MAN1A1: variants seen among roughly 807,000 people sequenced by gnomAD.
The protein encoded by MAN1A1 is mannosyl-oligosaccharide 1,2-alpha-mannosidase IA.
MAN1A1 carries 29 observed loss-of-function variants against 70.8 expected under a neutral mutation model. The observed-to-expected ratio is 0.41, with a 90% CI of 0.31 to 0.56. MAN1A1 has a LOEUF of 0.56. Ranked by LOEUF, MAN1A1 falls within the 20% of genes least tolerant of loss-of-function variation. MAN1A1 has a pLI of 0.29. For synonymous variants in MAN1A1, 349 were observed against 330.1 expected (o/e 1.06, Z -0.62); for missense variants, 747 against 841.3 (o/e 0.89, Z 1.39).
intron 2 of MAN1A1, chr6:119,331,918 G>T (rs1419388887): frequency 1.8e-5 from 9 of 503,552 alleles, no homozygotes; most frequent in Admixed American, 1.6e-4. Flanking sequence ...AGAGGGTGGG[G>T]GCAGGGACCA....
Position 119,201,268 on chromosome 6 carries a change from C to A in MAN1A1, c.1196G>T (p.Gly399Val). 6.2e-7 allele frequency: 1 copy of A among 1,612,574 alleles called. No homozygotes were observed. The highest frequency in any genetic ancestry group is 1.7e-5 in the Admixed American group (1 of 60,020). The change falls in exon 8 of 13, where the codon GGA (glycine) becomes GTA (valine). Residue 399 changes from glycine to valine, a missense_variant. Around this residue, in one of 2 missense-constraint regions of MAN1A1, gnomAD observed 419 missense variants for 548.2 expected, o/e 0.76. Transcript: ENST00000368468. ...TTCTGACTTACGTTGACCCCACTGT[C>A]CACTACTGGGATTCAGATAGTTAGG... ...LYPNYLNPSS[G>V]QWGQHHVSVG... is the part of the protein sequence containing the mutation.
chr6:119,273,926 A>AAAGTAGTGGGAATTGCAACAAC (rs1157299067), intron 5 of MAN1A1, among the ~76,000 whole-genome samples: 1 of 152,186 alleles, frequency 6.6e-6, no homozygotes, highest in Non-Finnish European at 1.5e-5. Context: ...TGGATAAGGA[A>AAAGTAGTGGGAATTGCAACAAC]AAGTAGTGGG....
chr6:119,341,395 T>A (rs1773590743), intron 2 of MAN1A1, among the ~76,000 whole-genome samples: 1 of 152,164 alleles, frequency 6.6e-6, no homozygotes, highest in African/African-American at 2.4e-5. Flanking sequence ...AAGCACACGT[T>A]CTCATTAGAG....
intron 5 of MAN1A1, among the ~76,000 whole-genome samples, chr6:119,259,468 A>C (rs1182875698): frequency 6.6e-6 from 1 of 152,200 alleles, no homozygotes; most frequent in Non-Finnish European, 1.5e-5. Context: ...AAAAAATGTA[A>C]AATGTAAGCT....
chr6:119,325,650 C>T (rs1029726124), intron 2 of MAN1A1, among the ~76,000 whole-genome samples: 2 of 152,096 alleles, frequency 1.3e-5, no homozygotes, highest in Non-Finnish European at 2.9e-5. Flanking sequence ...AATACTCCGT[C>T]GCCGGGGGCA....
chr6:119,273,436 C>T (rs955115299), intron 5 of MAN1A1, among the ~76,000 whole-genome samples: 2 of 152,138 alleles, frequency 1.3e-5, no homozygotes, highest in Non-Finnish European at 2.9e-5. Flanking sequence ...CTTGAATAAA[C>T]AAGCATAAAT....
chr6:119,296,006 C>G (rs549107309), intron 4 of MAN1A1, among the ~76,000 whole-genome samples: 1 of 152,232 alleles, frequency 6.6e-6, no homozygotes, highest in African/African-American at 2.4e-5. Context: ...TACCAATAAG[C>G]CTTGCCTATG....
At position 119,349,186 on chromosome 6, in the gene MAN1A1, G is replaced by C. The variant is rs1024775188; in HGVS notation, c.-121C>G. On this transcript the variant is annotated 5_prime_UTR_variant, in exon 2 of 13. Transcript: ENST00000368468. ...CCAGGCCGCCCGACCCCCTCGGCTG[G>C]GCTGCGGATCCTCCCTGGGGGAACA... 1 of 1,228,218 alleles carries C rather than the reference G, an allele frequency of 8.1e-7. No homozygotes were observed. Among genetic ancestry groups the C allele is most frequent in the African/African-American group, 1.6e-5 (1 of 63,716 alleles). The allele number at this position is 1,228,218 out of a possible 1,614,324, so 76.1% of individuals were successfully genotyped here.
intron 6 of MAN1A1, among the ~76,000 whole-genome samples, chr6:119,234,375 G>A (rs1366256122): frequency 6.6e-6 from 1 of 152,044 alleles, no homozygotes; most frequent in Non-Finnish European, 1.5e-5. Flanking sequence ...AATTGTGTTT[G>A]TATATGTGTG....
rs144698496 is a variant in MAN1A1, at chr6:119,216,217, A to C, written c.993-11335T>G. On this transcript the variant is annotated intron_variant, in intron 6 of 12. Transcript: ENST00000368468. ...CCAGGCTTTTAAACAGGGGATGATA[A>C]AGTCTGATTCACATTTCTAAAGTTC... 2.8e-3 allele frequency among the ~76,000 whole-genome samples: 423 copies of C among 152,290 alleles called. 3 individuals carry two copies. Among genetic ancestry groups the C allele is most frequent in the Middle Eastern group, 0.01 (3 of 294 alleles).
rs1303332570 is a variant in MAN1A1 at position 119,189,827 on chromosome 6, C to T, written c.1383G>A (p.Glu461=). The T allele has an allele frequency of 1.2e-6, 2 of 1,614,102 alleles. No homozygotes were observed. The highest frequency in any genetic ancestry group is 1.7e-6 in the Non-Finnish European group (2 of 1,180,006). The change falls in exon 10 of 13, where the codon GAG becomes GAA. Residue 461 remains glutamate (E), a synonymous_variant. Transcript: ENST00000368468. ...KSSSGLTYIA[E]WKGGLLEHKM... is the part of the protein sequence containing the mutation. ...TGTGCTCCAGGAGGCCCCCTTTCCA[C>T]TCTGCGATATAAGTTAGTCCGCTGC...
intron 12 of MAN1A1, 115 bp downstream of exon 12, chr6:119,180,197 C>G (rs1773113238): frequency 1.3e-6 from 1 of 787,546 alleles, no homozygotes; most frequent in Non-Finnish European, 2.1e-6. Flanking sequence ...ATAGCCATGC[C>G]TGATATTCTG....
chr6:119,199,840 C>T (rs1206245391), intron 8 of MAN1A1, among the ~76,000 whole-genome samples: 1 of 151,872 alleles, frequency 6.6e-6, no homozygotes, highest in African/African-American at 2.4e-5. Context: ...TAGCTTGAGC[C>T]CAGCTTGAGC....
intron 2 of MAN1A1, among the ~76,000 whole-genome samples, chr6:119,329,502 C>T (rs1773246166): frequency 6.6e-6 from 1 of 151,296 alleles, no homozygotes; most frequent in Admixed American, 6.6e-5. Flanking sequence ...TACATTCTTA[C>T]TAACAAATGA....
At chr6:119,192,271 T>TC (rs2114935307) in intron 9 of MAN1A1, among the ~76,000 whole-genome samples, 1 of 152,250 alleles carries the variant, frequency 6.6e-6, no homozygotes, top group Admixed American at 6.5e-5. Context: ...TATGGAGAAC[T>TC]CCCCAGGTTA....
At chr6:119,191,625 G>GT (rs1240807209) in intron 9 of MAN1A1, among the ~76,000 whole-genome samples, 4 of 152,266 alleles carry the variant, frequency 2.6e-5, no homozygotes, top group South Asian at 2.1e-4. Flanking sequence ...CTTCAGAATC[G>GT]TAAGTGTCTG....
chr6:119,184,940 G>A (rs369496599), intron 11 of MAN1A1, among the ~76,000 whole-genome samples: 1 of 151,878 alleles, frequency 6.6e-6, no homozygotes, highest in Non-Finnish European at 1.5e-5. Context: ...TCAGGCTGGC[G>A]TGCAGCGGTG....
intron 4 of MAN1A1, among the ~76,000 whole-genome samples, chr6:119,298,415 C>A (rs1772282536): frequency 6.6e-6 from 1 of 152,106 alleles, no homozygotes; most frequent in Non-Finnish European, 1.5e-5. Context: ...CAGTATAAAC[C>A]AATACAAAAC....
At chr6:119,196,999 A>G (rs905973783) in intron 8 of MAN1A1, among the ~76,000 whole-genome samples, 1 of 152,134 alleles carries the variant, frequency 6.6e-6, no homozygotes, top group Non-Finnish European at 1.5e-5. Context: ...AAAGAGAACA[A>G]GCAGAACAAC....
Sources: gnomAD v4.1 joint callset for allele counts (sites outside exome capture counted in the v4.1 genomes callset) on GRCh38, gnomAD v4.1.1 for gene constraint, gnomAD v4.1.1 regional missense constraint, MANE v1.5 for transcripts, NCBI Gene and HGNC (gene_info 2026-07-23, HGNC 2026-07-21) for gene names.